The following SCAMP1 variants were observed in gnomAD, a reference collection of about 807,000 sequenced individuals.
SCAMP1 encodes secretory carrier membrane protein 1, also known as secretory carrier-associated membrane protein 1.
SCAMP1 carries 15 observed loss-of-function variants against 41.8 expected under a neutral mutation model. The observed-to-expected ratio is 0.36, with a 90% CI of 0.24 to 0.55. The LOEUF is 0.55. Among genes scored for constraint, SCAMP1 ranks in the 20% least tolerant of loss-of-function variants. SCAMP1 has a pLI of 0.86. For synonymous variants in SCAMP1, 135 were observed against 136.8 expected (o/e 0.99, Z 0.09); for missense variants, 341 against 412.6 (o/e 0.83, Z 1.50).
chr5:78,377,028 C>G (rs1751081628), intron 1 of SCAMP1, among the ~76,000 whole-genome samples: 1 of 152,020 alleles, frequency 6.6e-6, no homozygotes, highest in South Asian at 2.1e-4. Context: ...AAGGCTTCCT[C>G]CTTGCTTTTC....
intron 2 of SCAMP1, among the ~76,000 whole-genome samples, chr5:78,402,621 T>G (rs555383361): frequency 8.5e-5 from 13 of 152,314 alleles, no homozygotes; most frequent in African/African-American, 3.1e-4. Context: ...TTTTCTGAAA[T>G]TTTTTATCAG....
intron 6 of SCAMP1, among the ~76,000 whole-genome samples, chr5:78,427,476 G>A (rs773002800): frequency 3.7e-4 from 57 of 152,188 alleles, no homozygotes; most frequent in Middle Eastern, 3.4e-3. Context: ...CTGTAACAGC[G>A]TGTACAAGTC....
intron 1 of SCAMP1, among the ~76,000 whole-genome samples, chr5:78,377,239 T>G (rs1751087723): frequency 6.6e-6 from 1 of 152,182 alleles, no homozygotes; most frequent in African/African-American, 2.4e-5. Context: ...GGTGACTCAT[T>G]GGCAACTCTA....
chr5:78,437,893 C>G (rs1752802701), intron 6 of SCAMP1, among the ~76,000 whole-genome samples: 1 of 152,138 alleles, frequency 6.6e-6, no homozygotes, highest in South Asian at 2.1e-4. Flanking sequence ...AATTTCAGAG[C>G]CTGTTATTGG....
At chr5:78,435,118 G>A (rs188640886) in intron 6 of SCAMP1, among the ~76,000 whole-genome samples, 1 of 152,282 alleles carries the variant, frequency 6.6e-6, no homozygotes, top group East Asian at 1.9e-4. Flanking sequence ...GTAAATATAA[G>A]TTATATATAG....
chr5:78,393,012 T>C (rs1341378146), intron 2 of SCAMP1, among the ~76,000 whole-genome samples: 4 of 152,228 alleles, frequency 2.6e-5, no homozygotes, highest in African/African-American at 4.8e-5. Flanking sequence ...AAGGAAGATC[T>C]TCTAGCAGAA....
intron 6 of SCAMP1, among the ~76,000 whole-genome samples, chr5:78,429,324 TGTTTCCA>T (rs1752541437): frequency 6.6e-6 from 1 of 150,496 alleles, no homozygotes; most frequent in Non-Finnish European, 1.5e-5. Flanking sequence ...ACCTCTCTTG[TGTTTCCA>T]GTTTGTTGAG....
At chr5:78,435,052 G>A (rs901190841) in intron 6 of SCAMP1, among the ~76,000 whole-genome samples, 1 of 152,136 alleles carries the variant, frequency 6.6e-6, no homozygotes, top group African/African-American at 2.4e-5. Context: ...GTATCTAAGA[G>A]TAGTTTAGAG....
intron 7 of SCAMP1, among the ~76,000 whole-genome samples, chr5:78,457,208 C>A (rs1021676017): frequency 6.6e-6 from 1 of 152,170 alleles, no homozygotes; most frequent in Non-Finnish European, 1.5e-5. Flanking sequence ...CTCCATCCAG[C>A]TTTGTTCCGT....
At chr5:78,432,278 C>T (rs886735233) in intron 6 of SCAMP1, among the ~76,000 whole-genome samples, 3 of 151,968 alleles carry the variant, frequency 2.0e-5, no homozygotes, top group Admixed American at 1.3e-4. Context: ...ACCATTTCAG[C>T]ACTTTTCATT....
intron 8 of SCAMP1, among the ~76,000 whole-genome samples, chr5:78,464,789 C>G (rs935332923): frequency 6.6e-6 from 1 of 151,902 alleles, no homozygotes; most frequent in Non-Finnish European, 1.5e-5. Flanking sequence ...TACTCTGGGC[C>G]CTATGCAGAA....
rs1325327340 is a variant in SCAMP1 at position 78,477,554 on chromosome 5, T to C, written c.*1886T>C. 1 of 152,134 alleles carries C rather than the reference T, an allele frequency of 6.6e-6. No homozygotes were observed. Among genetic ancestry groups the C allele is most frequent in the Non-Finnish European group, 1.5e-5 (1 of 67,982 alleles). The allele number at this position is 152,134 out of a possible 1,614,324, so 9.4% of individuals were successfully genotyped here. ...ACCATTAACTTATATCCCAAGTCCATTTTTTCCTGTACACTACAAACAAAA... is the reference window on the plus strand; with the variant it reads ...ACCATTAACTTATATCCCAAGTCCACTTTTTCCTGTACACTACAAACAAAA... On this transcript the variant is annotated 3_prime_UTR_variant, in exon 9 of 9. Transcript: ENST00000621999.
chr5:78,439,223 T>C (rs1011677834), intron 6 of SCAMP1, among the ~76,000 whole-genome samples: 7 of 152,232 alleles, frequency 4.6e-5, no homozygotes, highest in African/African-American at 1.7e-4. Context: ...CATTTAGGGT[T>C]AATATTGTTA....
At chr5:78,400,314 T>A (rs1025156372) in intron 2 of SCAMP1, among the ~76,000 whole-genome samples, 1 of 152,230 alleles carries the variant, frequency 6.6e-6, no homozygotes, top group African/African-American at 2.4e-5. Flanking sequence ...CTTCCAACTT[T>A]ATTCTTCTCT....
intron 4 of SCAMP1, among the ~76,000 whole-genome samples, chr5:78,418,082 TG>T (rs1752253247): frequency 6.6e-6 from 1 of 152,186 alleles, no homozygotes; most frequent in Non-Finnish European, 1.5e-5. Flanking sequence ...GGTTTCTTTA[TG>T]TAGACACATT....
chr5:78,393,577 T>G (rs1009698735), intron 2 of SCAMP1, among the ~76,000 whole-genome samples: 5 of 152,246 alleles, frequency 3.3e-5, no homozygotes, highest in African/African-American at 1.2e-4. Flanking sequence ...GACAGTGTCA[T>G]GAAAGCCTCT....
chr5:78,418,180 G>A (rs1007708258), intron 4 of SCAMP1, among the ~76,000 whole-genome samples: 2 of 151,704 alleles, frequency 1.3e-5, no homozygotes. Flanking sequence ...ACTGTTTCAT[G>A]TTTTCTTTGT....
chr5:78,361,368 C>G (rs1338113063), intron 1 of SCAMP1, among the ~76,000 whole-genome samples: 1 of 152,134 alleles, frequency 6.6e-6, no homozygotes, highest in African/African-American at 2.4e-5. Flanking sequence ...TAAAAATAAA[C>G]ATATCTGGAA....
At chr5:78,391,073 C>G (rs1751480406) in intron 2 of SCAMP1, among the ~76,000 whole-genome samples, 1 of 146,108 alleles carries the variant, frequency 6.8e-6, no homozygotes, top group Non-Finnish European at 1.5e-5. Context: ...GACATGGCAA[C>G]CATCCGATTT....
Sources: allele counts gnomAD v4.1 joint callset (sites outside exome capture counted in the v4.1 genomes callset), GRCh38; gene constraint gnomAD v4.1.1; transcripts MANE v1.5; gene names NCBI Gene and HGNC (gene_info 2026-07-23, HGNC 2026-07-21).